Variants in PPP1R35 observed in about 807,000 individuals in gnomAD.
PPP1R35 encodes UPF0683 protein C7orf47.
PPP1R35 carries 23 observed loss-of-function variants against 22.2 expected under a neutral mutation model. That is an observed-to-expected ratio of 1.04 (90% confidence interval 0.75 to 1.47). The LOEUF (loss-of-function observed/expected upper bound fraction) is 1.47, where lower values mean the gene tolerates loss of function less well. PPP1R35 is among the 40% of genes most tolerant of loss of function. The pLI is 0.00. For missense variants in PPP1R35, 409 were observed against 349.6 expected, an observed-to-expected ratio of 1.17 and a Z score of -1.36; for synonymous variants, 198 against 165.7, an observed-to-expected ratio of 1.19 and a Z score of -1.50.
At position 100,435,680 on chromosome 7, in the gene PPP1R35, C is replaced by T. The variant is rs752395766; in HGVS notation, c.539G>A (p.Arg180Lys). 6.2e-7 allele frequency: 1 copy of T among 1,609,798 alleles called. No individual in the cohort carries two copies. The highest frequency in any genetic ancestry group is 8.5e-7 in the Non-Finnish European group (1 of 1,178,952). Residue 180 changes from arginine to lysine, a missense_variant, in exon 3 of 4, where the codon AGG becomes AAG. Transcript: ENST00000292330. ...TGGCGGCAGGAGAGCCAATTTCTCC[C>T]TGAGCGCGGCATTCAGAACCTGTTC... ...PEEQVLNAAL[R>K]EKLALLPPQA... is the part of the protein sequence containing the mutation.
rs1254515687 is a variant in PPP1R35 at position 100,436,360 on chromosome 7, A to C, written c.15T>G (p.Cys5Trp). 1 of 1,488,276 alleles carries C rather than the reference A, an allele frequency of 6.7e-7. No homozygotes were observed. The highest frequency in any genetic ancestry group is 2.7e-5 in the East Asian group (1 of 37,044). 92.2% of individuals were successfully genotyped at this position (1,488,276 alleles called of 1,614,324 possible). Residue 5 changes from cysteine (C) to tryptophan (W), a missense_variant, in exon 1 of 4, where the codon TGT becomes TGG. Transcript: ENST00000292330. Reference protein sequence around the residue: MMMGCGESELKSADG... With the variant: MMMGWGESELKSADG... The stretch of plus-strand genomic sequence containing the variant: ...CCGCCGACTTCAGCTCTGACTCCCC[A>C]CAACCCATCATCATCTTTGGAGGTG...
Position 100,435,880 on chromosome 7 carries a change from A to G in PPP1R35, c.419T>C (p.Ile140Thr). Residue 140 changes from isoleucine to threonine, a missense_variant, in exon 2 of 4, where the codon ATC becomes ACC. By Grantham distance (89) the Ile-to-Thr change is moderately conservative. Coordinates refer to ENST00000292330, the MANE Select transcript of PPP1R35 (RefSeq NM_145030.4). ...VEEQLRKSFQ[I>T]RCGLEESVSE... ...CACGCTCTCCTCCAGGCCGCAGCGG[A>G]TCTGGAACGACTTTCTCAGCTGTTC... 1.3e-6 allele frequency: 2 copies of G among 1,598,292 alleles called. No individual in the cohort carries two copies. The highest frequency in any genetic ancestry group is 1.7e-6 in the Non-Finnish European group (2 of 1,176,982).
At chr7:100,436,663 C>T (rs900166690), upstream of PPP1R35, 1 of 308,640 alleles carries the variant, frequency 3.2e-6, no homozygotes, top group East Asian at 5.1e-5. Context: ...CTTGGCACCG[C>T]CCCCAAGCCG....
chr7:100,436,386 C>T lies in PPP1R35; in HGVS notation c.-12G>A. On this transcript the variant is annotated 5_prime_UTR_variant, in exon 1 of 4. Coordinates refer to ENST00000292330, the MANE Select transcript of PPP1R35 (RefSeq NM_145030.4). The stretch of plus-strand genomic sequence containing the variant: ...CAACCCATCATCATCTTTGGAGGTG[C>T]CTTGAGGGTGCGGGGATGCGGGGGT... 2 of 1,495,736 alleles carry T rather than the reference C, an allele frequency of 1.3e-6. No homozygotes were observed. The highest frequency in any genetic ancestry group is 2.2e-5 in the Admixed American group (1 of 45,262). The allele number at this position is 1,495,736 out of a possible 1,614,324, so 92.7% of individuals were successfully genotyped here. A position where few individuals can be genotyped will look rare whatever the true frequency, so the allele number is the denominator to read the frequency against.
Position 100,435,658 on chromosome 7 carries a change from C to T in PPP1R35, c.561G>A (p.Pro187=). The change falls in exon 3 of 4, where the codon CCG becomes CCA. Residue 187 remains proline, a synonymous_variant. Coordinates refer to ENST00000292330, the MANE Select transcript of PPP1R35 (RefSeq NM_145030.4). ...AALREKLALL[P]PQARAPHPKE... Reference sequence around the variant, plus strand: ...TTGGGTGCGGGGCTCGAGCCTGTGGCGGCAGGAGAGCCAATTTCTCCCTGA... The same window carrying T: ...TTGGGTGCGGGGCTCGAGCCTGTGGTGGCAGGAGAGCCAATTTCTCCCTGA... 2 of 1,611,774 alleles carry T rather than the reference C, an allele frequency of 1.2e-6. No homozygotes were observed. The highest frequency in any genetic ancestry group is 1.1e-5 in the South Asian group (1 of 90,768).
In PPP1R35 at chr7:100,435,339, C is replaced by G; in HGVS notation, c.*21G>C. The G allele has an allele frequency of 1.3e-6, 2 of 1,567,376 alleles. No homozygotes were observed. Among genetic ancestry groups the G allele is most frequent in the Admixed American group, 2.1e-5 (1 of 47,040 alleles). On this transcript the variant is annotated 3_prime_UTR_variant, in exon 4 of 4. Transcript: ENST00000292330. The stretch of plus-strand genomic sequence containing the variant: ...AGTTTAACACAAAAATACGAACTAG[C>G]CCTCCAGGGATCTTTGGGGTCTACG...
In PPP1R35 at chr7:100,436,146, GC is replaced by G. The variant is rs1798881614; in HGVS notation, c.228del (p.Arg77GlyfsTer7). ...RAERRGAARQ[R>X]RQVRFRLTPP... ...GGCCAGCCTCCCCCGCTCACCTGCC[GC>G]CGCTGCCGAGCCGCGCCCCGCCGCT... On this transcript the variant is annotated frameshift_variant, in exon 1 of 4. Transcript: ENST00000292330. LOFTEE classifies it high-confidence loss of function. 56 of 1,270,318 alleles carry G rather than the reference GC, an allele frequency of 4.4e-5. No homozygotes were observed. The highest frequency in any genetic ancestry group is 5.3e-5 in the Non-Finnish European group (54 of 1,012,798). 78.7% of individuals were successfully genotyped at this position (1,270,318 alleles called of 1,614,324 possible).
At position 100,435,716 on chromosome 7, in the gene PPP1R35, T is replaced by C. The variant is rs987772211; in HGVS notation, c.503A>G (p.Gln168Arg). 7 of 1,604,110 alleles carry C rather than the reference T, an allele frequency of 4.4e-6. No homozygotes were observed. The South Asian group carries it at 4.4e-5, about 10-fold the overall frequency. The change falls in exon 3 of 4, where the codon CAG becomes CGG. Residue 168 changes from glutamine to arginine, a missense_variant. By Grantham distance (43) the Gln-to-Arg change is conservative. Coordinates refer to ENST00000292330, the MANE Select transcript of PPP1R35 (RefSeq NM_145030.4). The part of the protein sequence containing the change: ...KRLFRDLVSL[Q>R]VPEEQVLNAA... Reference sequence around the variant, plus strand: ...ATTCAGAACCTGTTCCTCCGGCACCTGCAGGCTCACCAGGTCCCGGAAGAG... The same window carrying C: ...ATTCAGAACCTGTTCCTCCGGCACCCGCAGGCTCACCAGGTCCCGGAAGAG...
In PPP1R35 at chr7:100,436,297, C is replaced by CG; in HGVS notation, c.77dup (p.Glu27GlyfsTer99). On this transcript the variant is annotated frameshift_variant, in exon 1 of 4. Transcript: ENST00000292330. LOFTEE classifies it high-confidence loss of function. ...CTCGGAGTTGCGGGACTTGGGGCTC[C>CG]GGGGGTGGCCCCGGGACCGCCGCGG... The CG allele has an allele frequency of 2.2e-6, 3 of 1,374,842 alleles. No individual in the cohort carries two copies. The highest frequency in any genetic ancestry group is 2.8e-6 in the Non-Finnish European group (3 of 1,056,442). The allele number at this position is 1,374,842 out of a possible 1,614,324, so 85.2% of individuals were successfully genotyped here. A position where few individuals can be genotyped will look rare whatever the true frequency, so the allele number is the denominator to read the frequency against.
intron 1 of PPP1R35, 32 bp downstream of exon 1, chr7:100,436,109 T>C: frequency 2.1e-6 from 3 of 1,426,006 alleles, no homozygotes; most frequent in Non-Finnish European, 2.7e-6. Flanking sequence ...CGCGAGGCCG[T>C]CGCGGGCCGG....
chr7:100,435,510 G>C lies in PPP1R35; in HGVS notation c.612C>G (p.Asp204Glu). 3.1e-6 allele frequency: 5 copies of C among 1,614,162 alleles called. No individual in the cohort carries two copies. The highest frequency in any genetic ancestry group is 4.2e-6 in the Non-Finnish European group (5 of 1,180,034). ...TTTCTGGGTCACACAAGATGGTCAT[G>C]TCTGGCCCAGGCCCAGGTGGCTCCT... The part of the protein sequence containing the change: ...HPKEPPGPGP[D>E]MTILCDPETL... The change falls in exon 4 of 4, where the codon GAC becomes GAG. Residue 204 changes from aspartate (D) to glutamate (E), a missense_variant. By Grantham distance (45) the Asp-to-Glu change is conservative. Transcript: ENST00000292330.
In PPP1R35 at chr7:100,435,644, G is replaced by C; in HGVS notation, c.575C>G (p.Ala192Gly). The change falls in exon 3 of 4, where the codon GCC becomes GGC. Residue 192 changes from alanine to glycine, a missense_variant. Transcript: ENST00000292330. ...KLALLPPQAR[A>G]PHPKEPPGPG... ...AGACCCCATCACCTTTGGGTGCGGG[G>C]CTCGAGCCTGTGGCGGCAGGAGAGC... 6.2e-7 allele frequency: 1 copy of C among 1,611,176 alleles called. No individual in the cohort carries two copies. The highest frequency in any genetic ancestry group is 1.1e-5 in the South Asian group (1 of 90,810).
chr7:100,435,908 C>T lies in PPP1R35; in HGVS notation c.391G>A (p.Glu131Lys). 1 of 1,601,500 alleles carries T rather than the reference C, an allele frequency of 6.2e-7. No homozygotes were observed. The highest frequency in any genetic ancestry group is 2.2e-5 in the East Asian group (1 of 44,718). ...GSHFDAAKAV[E>K]EQLRKSFQIR... ...TGGAACGACTTTCTCAGCTGTTCCT[C>T]CACGGCCTTCGCAGCATCAAAGTGG... The change falls in exon 2 of 4, where the codon GAG becomes AAG. Residue 131 changes from glutamate to lysine, a missense_variant. Glu to Lys is a moderately conservative substitution (Grantham distance 56). Transcript: ENST00000292330.
In PPP1R35 at chr7:100,436,246, G is replaced by C. The variant is rs753649058; in HGVS notation, c.129C>G (p.Asp43Glu). ...TGTCGGGCCGCGGGCTCAGGCTCAA[G>C]TCCAGGCCGGGCTCGGGCACTGGGG... is the stretch of plus-strand genomic sequence containing the variant. ...LRAPVPEPGL[D>E]LSLSPRPDSP... Residue 43 changes from aspartate to glutamate, a missense_variant, in exon 1 of 4, where the codon GAC becomes GAG. Transcript: ENST00000292330. The C allele has an allele frequency of 1.4e-5, 19 of 1,311,502 alleles. No homozygotes were observed. Among genetic ancestry groups the C allele is most frequent in the Non-Finnish European group, 1.9e-5 (19 of 1,025,694 alleles). 81.2% of individuals were successfully genotyped at this position (1,311,502 alleles called of 1,614,324 possible). A position where few individuals can be genotyped will look rare whatever the true frequency, so the allele number is the denominator to read the frequency against.
chr7:100,435,285 A>G lies in PPP1R35; in HGVS notation c.*75T>C, dbSNP rs1798837296. 1.4e-6 allele frequency: 2 copies of G among 1,478,698 alleles called. No homozygotes were observed. The highest frequency in any genetic ancestry group is 1.4e-5 in the South Asian group (1 of 72,362). The allele number at this position is 1,478,698 out of a possible 1,614,324, so 91.6% of individuals were successfully genotyped here. The stretch of plus-strand genomic sequence containing the variant: ...TAGGCCTCCAAGAAGAGTCCCATTT[A>G]TTAGCAAAATTACTTTATTCTAACA... On this transcript the variant is annotated 3_prime_UTR_variant, in exon 4 of 4. Coordinates refer to ENST00000292330, the MANE Select transcript of PPP1R35 (RefSeq NM_145030.4).
chr7:100,436,097 G>A, intron 1 of PPP1R35, 33 bp from the exon 2 acceptor site: 1 of 1,452,284 alleles, frequency 6.9e-7, no homozygotes, highest in Non-Finnish European at 9.0e-7. Flanking sequence ...TGACCAGGTG[G>A]GCGCGAGGCC....
Position 100,436,156 on chromosome 7 carries a change from A to G in PPP1R35, c.219T>C (p.Ala73=). ...RKGRAERRGA[A]RQRRQVRFRL... Reference sequence around the variant, plus strand: ...CCCCGCTCACCTGCCGCCGCTGCCGAGCCGCGCCCCGCCGCTCCGCCCGCC... The same window carrying G: ...CCCCGCTCACCTGCCGCCGCTGCCGGGCCGCGCCCCGCCGCTCCGCCCGCC... The change falls in exon 1 of 4, where the codon GCT becomes GCC. Residue 73 remains alanine, a synonymous_variant. Coordinates refer to ENST00000292330, the MANE Select transcript of PPP1R35 (RefSeq NM_145030.4). 1 of 1,248,106 alleles carries G rather than the reference A, an allele frequency of 8.0e-7. No individual in the cohort carries two copies. The allele number at this position is 1,248,106 out of a possible 1,614,324, so 77.3% of individuals were successfully genotyped here. A position where few individuals can be genotyped will look rare whatever the true frequency, so the allele number is the denominator to read the frequency against.
At chr7:100,435,609 C>T (rs1798851581) in intron 3 of PPP1R35, 22 bp downstream of exon 3, 3 of 1,613,814 alleles carry the variant, frequency 1.9e-6, no homozygotes, top group African/African-American at 1.3e-5. Flanking sequence ...ATGGAGGAAG[C>T]CCCACGCCCA....
chr7:100,436,117 C>T, intron 1 of PPP1R35, 24 bp downstream of exon 1: 3 of 1,406,682 alleles, frequency 2.1e-6, no homozygotes, highest in Non-Finnish European at 9.2e-7. Context: ...CGTCGCGGGC[C>T]GGGGGCCAGC....
Sources: allele counts gnomAD v4.1 joint callset, GRCh38; gene constraint gnomAD v4.1.1; transcripts MANE v1.5; gene names NCBI Gene and HGNC (gene_info 2026-07-23, HGNC 2026-07-21).